Variants in HECTD4 observed in about 807,000 individuals in gnomAD.
The protein encoded by HECTD4 is HECT domain E3 ubiquitin protein ligase 4.
In HECTD4, 114 loss-of-function variants were observed where a neutral mutation model predicts 471.5. The ratio of observed to expected loss-of-function variants is 0.24; its 90% CI spans 0.21 to 0.28. HECTD4 has a LOEUF of 0.28. Among genes scored for constraint, HECTD4 ranks in the 10% least tolerant of loss-of-function variants. The probability of loss-of-function intolerance (pLI) is 1.00; values close to 1 mark genes in which losing one functional copy is unlikely to be tolerated. For missense variants in HECTD4, 3,866 were observed against 5,651.5 expected (o/e 0.68, Z 10.13); for synonymous variants, 2,012 against 2,256.0 (o/e 0.89, Z 3.07).
At chr12:112,181,080 A>G (rs1254115401) in intron 62 of HECTD4, among the ~76,000 whole-genome samples, 1 of 151,606 alleles carries the variant, frequency 6.6e-6, no homozygotes, top group Non-Finnish European at 1.5e-5. Context: ...TCCAGCCTCC[A>G]CTGCTTGAAC....
intron 1 of HECTD4, among the ~76,000 whole-genome samples, chr12:112,356,582 G>A (rs2036342306): frequency 1.3e-5 from 2 of 152,020 alleles, no homozygotes; most frequent in South Asian, 4.1e-4. Flanking sequence ...GGGACTACAG[G>A]CGTGCACCAC....
At chr12:112,210,883 C>T (rs2135543594) in intron 49 of HECTD4, among the ~76,000 whole-genome samples, 1 of 152,322 alleles carries the variant, frequency 6.6e-6, no homozygotes, top group African/African-American at 2.4e-5. Context: ...TAGTGCTTGA[C>T]ATAGAGTAAG....
rs11066230 is a variant in HECTD4 at position 112,277,520 on chromosome 12, G to A, written c.1687+1708C>T. ...TCACTTCACCTGTCTGAGCCTCAGT[G>A]ACCACGTAGTGATCCCATGGCTAAA... On this transcript the variant is annotated intron_variant, in intron 9 of 75. Coordinates refer to ENST00000682272, the MANE Select transcript of HECTD4 (RefSeq NM_001388303.1). 0.056 allele frequency among the ~76,000 whole-genome samples: 8,463 copies of A among 152,214 alleles called. 1,292 individuals carry two copies. The East Asian group carries it at 0.61, about 11-fold the overall frequency.
chr12:112,315,980 T>C (rs1413767527), intron 2 of HECTD4, among the ~76,000 whole-genome samples: 2 of 150,992 alleles, frequency 1.3e-5, no homozygotes, highest in Non-Finnish European at 2.9e-5. Flanking sequence ...CAAGAGATGC[T>C]CCTGCTTTAG....
chr12:112,340,487 A>T (rs1011789952), intron 1 of HECTD4, among the ~76,000 whole-genome samples: 2 of 152,192 alleles, frequency 1.3e-5, no homozygotes, highest in African/African-American at 4.8e-5. Flanking sequence ...TCCAGGTGGC[A>T]TCTGGCAAGG....
rs1223694065 is a variant in HECTD4, at chr12:112,194,903, G to A, written c.8731C>T (p.Leu2911Phe). Residue 2911 changes from leucine to phenylalanine, a missense_variant, in exon 56 of 76, where the codon CTC (leucine) becomes TTC (phenylalanine). Physicochemically the swap from Leu to Phe is conservative, Grantham distance 22 (BLOSUM62 0). Coordinates refer to ENST00000682272, the MANE Select transcript of HECTD4 (RefSeq NM_001388303.1). The surrounding 1 kb of genome is among the most constrained non-coding windows in gnomAD (Gnocchi z 4.6). ...EHLQLLSNQL[L>F]APPLPDGTIS... ...GTTTTACCTGGGAGAGGAGGTGCGA[G>A]GAGCTGATTGGACAGCAGTTGCAGG... 6.2e-7 allele frequency: 1 copy of A among 1,607,426 alleles called. No homozygotes were observed. The highest frequency in any genetic ancestry group is 8.5e-7 in the Non-Finnish European group (1 of 1,177,146).
At chr12:112,197,044 C>T (rs1049345528) in intron 55 of HECTD4, among the ~76,000 whole-genome samples, 4 of 152,162 alleles carry the variant, frequency 2.6e-5, no homozygotes, top group African/African-American at 9.7e-5. Context: ...GATCTGCCCA[C>T]CTCGGCCTCC....
intron 7 of HECTD4, among the ~76,000 whole-genome samples, chr12:112,284,277 T>C (rs2034703847): frequency 6.6e-6 from 1 of 152,322 alleles, no homozygotes; most frequent in Middle Eastern, 3.4e-3. Context: ...CCCATTAAAA[T>C]ATCACCCCTT....
At position 112,185,270 on chromosome 12, in the gene HECTD4, T is replaced by G; in HGVS notation, c.9696A>C (p.Ser3232=). ...LYDEETQNWV[S]GGACGGSGGA... ...CCCCGGAGCCCCCGCAGGCGCCGCC[T>G]GAGACCCAGTTCTGCGTCTCCTCGT... The change falls in exon 61 of 76, where the codon TCA becomes TCC. Residue 3232 remains serine, a synonymous_variant. Transcript: ENST00000682272. 1 of 1,551,082 alleles carries G rather than the reference T, an allele frequency of 6.4e-7. No individual in the cohort carries two copies. Among genetic ancestry groups the G allele is most frequent in the Admixed American group, 2.0e-5 (1 of 51,022 alleles).
intron 50 of HECTD4, among the ~76,000 whole-genome samples, chr12:112,209,003 C>T (rs1239188193): frequency 9.4e-5 from 14 of 148,658 alleles, no homozygotes; most frequent in African/African-American, 2.5e-4. Flanking sequence ...TGGGCTCCAG[C>T]GATCCTCCCA....
In HECTD4 at chr12:112,209,327, GT is replaced by G. The variant is rs34447938; in HGVS notation, c.7867+687del. Among the ~76,000 whole-genome samples, 521 of 140,104 alleles carry G rather than the reference GT, an allele frequency of 3.7e-3. 1 individual carries two copies. The highest frequency in any genetic ancestry group is 9.5e-3 in the African/African-American group (366 of 38,496). 91.9% of individuals were successfully genotyped at this position (140,104 alleles called of 152,430 possible). The stretch of plus-strand genomic sequence containing the variant: ...AAAATTGTTACAAGTAATCATAAAA[GT>G]TTTTTTTTTTTTTTTGAGATGGAGT... On this transcript the variant is annotated intron_variant, in intron 50 of 75. Transcript: ENST00000682272.
chr12:112,256,457 C>T lies in HECTD4; in HGVS notation c.3190G>A (p.Ala1064Thr). 1 of 1,611,222 alleles carries T rather than the reference C, an allele frequency of 6.2e-7. No individual in the cohort carries two copies. The highest frequency in any genetic ancestry group is 8.5e-7 in the Non-Finnish European group (1 of 1,178,742). Reference sequence around the variant, plus strand: ...ACTGTTTCCACAGTCTTTCCAGCAGCCCATGGGGCAGGAATCTTTAAACCA... The same window carrying T: ...ACTGTTTCCACAGTCTTTCCAGCAGTCCATGGGGCAGGAATCTTTAAACCA... ...LTGLKIPAPW[A>T]AGKTVETVHP... The change falls in exon 21 of 76, where the codon GCT (alanine) becomes ACT (threonine). Residue 1064 changes from alanine (A) to threonine (T), a missense_variant. Physicochemically the swap from Ala to Thr is moderately conservative, Grantham distance 58 (BLOSUM62 0). Around this residue, in one of 16 missense-constraint regions of HECTD4, gnomAD observed 525 missense variants for 672.6 expected, o/e 0.78. Transcript: ENST00000682272.
chr12:112,267,950 A>G (rs1194047608), intron 13 of HECTD4, among the ~76,000 whole-genome samples: 1 of 152,210 alleles, frequency 6.6e-6, no homozygotes, highest in Middle Eastern at 3.4e-3. Flanking sequence ...TCTCCCAAAT[A>G]GCTGGGACTA....
Position 112,237,116 on chromosome 12 carries a change from G to GA in HECTD4, c.5291-19dup. On this transcript the variant is annotated intron_variant, in intron 34 of 75. Transcript: ENST00000682272. Reference sequence around the variant, plus strand: ...GGAGCCACCTTCACAGTTAAAGAAAGAAAAAAAGAGATTGGTGAAAACTTA... The same window carrying GA: ...GGAGCCACCTTCACAGTTAAAGAAAGAAAAAAAAGAGATTGGTGAAAACTTA... The GA allele has an allele frequency of 1.3e-6, 2 of 1,528,058 alleles. No homozygotes were observed. The highest frequency in any genetic ancestry group is 2.1e-5 in the Admixed American group (1 of 48,392). 94.7% of individuals were successfully genotyped at this position (1,528,058 alleles called of 1,614,324 possible).
chr12:112,264,280 GT>G, intron 16 of HECTD4, 68 bp from the exon 17 acceptor site: 19 of 1,293,168 alleles, frequency 1.5e-5, no homozygotes, highest in Non-Finnish European at 1.9e-5. Flanking sequence ...TAATCCTCAT[GT>G]TTTTAAAAGA....
intron 1 of HECTD4, among the ~76,000 whole-genome samples, chr12:112,323,852 G>C (rs781434330): frequency 2.6e-5 from 4 of 151,482 alleles, no homozygotes; most frequent in Non-Finnish European, 4.4e-5. Flanking sequence ...ATTCCAACCA[G>C]ACTATAGTTG....
At chr12:112,290,826 C>G (rs2034861988) in intron 7 of HECTD4, among the ~76,000 whole-genome samples, 1 of 124,250 alleles carries the variant, frequency 8.0e-6, no homozygotes, top group Non-Finnish European at 1.6e-5. Context: ...CCAGCCTGAG[C>G]AACAAGAGCG....
In HECTD4 at chr12:112,279,169, C is replaced by T; in HGVS notation, c.1687+59G>A. On this transcript the variant is annotated intron_variant, in intron 9 of 75. Coordinates refer to ENST00000682272, the MANE Select transcript of HECTD4 (RefSeq NM_001388303.1). ...AAGTTTTAAATAATTAATAGGAAAG[C>T]TTTAAATTTCAGAGTTTGAGATAAA... 4.1e-6 allele frequency: 6 copies of T among 1,452,878 alleles called. No individual in the cohort carries two copies. In the South Asian group the frequency reaches 7.5e-5, roughly 18 times the overall value. The allele number at this position is 1,452,878 out of a possible 1,614,324, so 90.0% of individuals were successfully genotyped here. A position where few individuals can be genotyped will look rare whatever the true frequency, so the allele number is the denominator to read the frequency against.
rs141682547 is a variant in HECTD4, at chr12:112,352,782, T to C, written c.177+29170A>G. On this transcript the variant is annotated intron_variant, in intron 1 of 75. Transcript: ENST00000682272. ...CCAAAATGCCCAGCTAGTTTTTTGA[T>C]TTTTTGTAGAGACAGAGTCTCGCTA... 2.7e-4 allele frequency among the ~76,000 whole-genome samples: 41 copies of C among 151,972 alleles called. No homozygotes were observed. The East Asian group carries it at 7.8e-3, about 29-fold the overall frequency.
Sources: gnomAD v4.1 joint callset for allele counts (sites outside exome capture counted in the v4.1 genomes callset) on GRCh38, gnomAD v4.1.1 for gene constraint, gnomAD v4.1.1 regional missense constraint, Gnocchi (gnomAD v3.1) non-coding constraint, MANE v1.5 for transcripts, NCBI Gene and HGNC (gene_info 2026-07-23, HGNC 2026-07-21) for gene names.